SYNDIG1: variants seen among roughly 807,000 people sequenced by gnomAD.
SYNDIG1 encodes the protein synapse differentiation inducing 1.
Under a neutral mutation model 19.4 loss-of-function variants are expected in SYNDIG1, and 9 were observed. That is an observed-to-expected ratio of 0.46 (90% confidence interval 0.28 to 0.81). The LOEUF (loss-of-function observed/expected upper bound fraction) is 0.81. Ranked by LOEUF, SYNDIG1 falls within the 30% of genes least tolerant of loss-of-function variation. The pLI is 0.12. For synonymous variants in SYNDIG1, 141 were observed against 145.9 expected (o/e 0.97, Z 0.24); for missense variants, 311 against 343.3 (o/e 0.91, Z 0.74).
chr20:24,566,316 A>G (rs189478964), intron 2 of SYNDIG1, among the ~76,000 whole-genome samples: 1 of 152,378 alleles, frequency 6.6e-6, no homozygotes, highest in Admixed American at 6.5e-5. Flanking sequence ...GCACATAATT[A>G]TAATTAATAT....
At chr20:24,508,218 ATTTTTTTT>A (rs34436263) in intron 1 of SYNDIG1, among the ~76,000 whole-genome samples, 4 of 73,208 alleles carry the variant, frequency 5.5e-5, no homozygotes, top group African/African-American at 2.4e-4. Flanking sequence ...AAGGAGGATA[ATTTTTTTT>A]TTTTTTTTTT....
At chr20:24,512,675 G>C (rs903612551) in intron 1 of SYNDIG1, among the ~76,000 whole-genome samples, 1 of 152,166 alleles carries the variant, frequency 6.6e-6, no homozygotes, top group Non-Finnish European at 1.5e-5. Context: ...AGGCCTACCT[G>C]CCTCTGTAGA....
At chr20:24,534,555 C>G (rs536758489) in intron 1 of SYNDIG1, among the ~76,000 whole-genome samples, 2 of 152,236 alleles carry the variant, frequency 1.3e-5, no homozygotes, top group South Asian at 2.1e-4. Context: ...CTCCTCACCC[C>G]GTTCAGGGCT....
At chr20:24,475,212 C>T (rs2055584200) in intron 1 of SYNDIG1, among the ~76,000 whole-genome samples, 1 of 152,204 alleles carries the variant, frequency 6.6e-6, no homozygotes, top group Admixed American at 6.5e-5. Context: ...GGATTAAGTC[C>T]TGGGACAGTT....
At chr20:24,521,803 C>T (rs549087749) in intron 1 of SYNDIG1, among the ~76,000 whole-genome samples, 23 of 150,638 alleles carry the variant, frequency 1.5e-4, no homozygotes, top group Non-Finnish European at 2.5e-4. Context: ...GGGAGGCTGA[C>T]GCAGGAGAAT....
In SYNDIG1 at chr20:24,658,194, A is replaced by G. The variant is rs1245822041; in HGVS notation, c.619-7152A>G. On this transcript the variant is annotated intron_variant, in intron 3 of 3. Transcript: ENST00000376862. The surrounding 1 kb of genome is among the most constrained non-coding windows in gnomAD (Gnocchi z 4.4). Reference sequence around the variant, plus strand: ...GGTATTTTCCAGCCAAAGGACAAGCAAAAGCTCATTGGAAACTCCATGAAG... The same window carrying G: ...GGTATTTTCCAGCCAAAGGACAAGCGAAAGCTCATTGGAAACTCCATGAAG... Among the ~76,000 whole-genome samples, 2 of 152,232 alleles carry G rather than the reference A, an allele frequency of 1.3e-5. No individual in the cohort carries two copies. Among genetic ancestry groups the G allele is most frequent in the Non-Finnish European group, 2.9e-5 (2 of 68,048 alleles).
At chr20:24,525,747 A>G (rs2057111213) in intron 1 of SYNDIG1, among the ~76,000 whole-genome samples, 1 of 152,252 alleles carries the variant, frequency 6.6e-6, no homozygotes, top group African/African-American at 2.4e-5. Context: ...ATTTTTGATC[A>G]AAATTATTAT....
chr20:24,634,815 C>T (rs2059299007), intron 3 of SYNDIG1, among the ~76,000 whole-genome samples: 1 of 152,210 alleles, frequency 6.6e-6, no homozygotes, highest in East Asian at 1.9e-4. Context: ...TCAGTGGTGC[C>T]TCTTGCTGTA....
intron 3 of SYNDIG1, among the ~76,000 whole-genome samples, chr20:24,624,654 A>G (rs763425933): frequency 6.6e-6 from 1 of 152,240 alleles, no homozygotes. Context: ...TAGTGAAGAT[A>G]TAAATCATAA....
intron 1 of SYNDIG1, among the ~76,000 whole-genome samples, chr20:24,485,092 C>T (rs545814783): frequency 1.1e-3 from 143 of 124,842 alleles, no homozygotes; most frequent in Admixed American, 2.3e-3. Flanking sequence ...TGTTATGATG[C>T]AGCACAAAAG....
At chr20:24,575,304 G>A (rs1037519924) in intron 2 of SYNDIG1, among the ~76,000 whole-genome samples, 17 of 152,214 alleles carry the variant, frequency 1.1e-4, no homozygotes, top group Non-Finnish European at 1.5e-5. Flanking sequence ...AAAATTTAAA[G>A]AAATAGGACG....
chr20:24,581,283 A>G (rs1425611176), intron 2 of SYNDIG1, among the ~76,000 whole-genome samples: 1 of 152,206 alleles, frequency 6.6e-6, no homozygotes, highest in East Asian at 1.9e-4. Flanking sequence ...ATAAACGACA[A>G]TGACAATGAA....
intron 1 of SYNDIG1, among the ~76,000 whole-genome samples, chr20:24,487,448 C>T (rs887669545): frequency 4.6e-5 from 7 of 152,172 alleles, no homozygotes; most frequent in African/African-American, 1.7e-4. Context: ...CTTACAGCCC[C>T]GTGGCCATGC....
chr20:24,551,381 C>T (rs1157389532), intron 2 of SYNDIG1, among the ~76,000 whole-genome samples: 1 of 151,962 alleles, frequency 6.6e-6, no homozygotes, highest in African/African-American at 2.4e-5. Flanking sequence ...CTATTTCTTT[C>T]TTGGTCAGTC....
intron 2 of SYNDIG1, among the ~76,000 whole-genome samples, chr20:24,559,136 T>TATAC (rs2057885159): frequency 6.6e-6 from 1 of 152,132 alleles, no homozygotes; most frequent in Non-Finnish European, 1.5e-5. Flanking sequence ...TATATATATA[T>TATAC]ACACAATGGA....
At chr20:24,622,461 C>T (rs1286287513) in intron 3 of SYNDIG1, among the ~76,000 whole-genome samples, 1 of 152,226 alleles carries the variant, frequency 6.6e-6, no homozygotes, top group Non-Finnish European at 1.5e-5. Flanking sequence ...GAAACTGGGC[C>T]ACACAGCAGG....
At chr20:24,601,425 G>A (rs77688500) in intron 3 of SYNDIG1, among the ~76,000 whole-genome samples, 4,620 of 152,216 alleles carry the variant, frequency 0.03, 148 homozygotes, top group African/African-American at 0.083. Flanking sequence ...AGCTCTTTGA[G>A]CCTGGACTTC....
At chr20:24,510,117 C>T (rs1050601289) in intron 1 of SYNDIG1, among the ~76,000 whole-genome samples, 1 of 152,200 alleles carries the variant, frequency 6.6e-6, no homozygotes, top group Non-Finnish European at 1.5e-5. Context: ...ACCATGCTTC[C>T]TGTACAGGCT....
At chr20:24,653,987 C>T (rs2059498669) in intron 3 of SYNDIG1, among the ~76,000 whole-genome samples, 1 of 152,204 alleles carries the variant, frequency 6.6e-6, no homozygotes, top group South Asian at 2.1e-4. Context: ...TTCTGAGGTA[C>T]TGGGGGCCAG....
Sources: allele counts gnomAD v4.1 joint callset (sites outside exome capture counted in the v4.1 genomes callset), GRCh38; gene constraint gnomAD v4.1.1; non-coding constraint Gnocchi (gnomAD v3.1); transcripts MANE v1.5; gene names NCBI Gene and HGNC (gene_info 2026-07-23, HGNC 2026-07-21).